Variants in NETO1 observed in about 807,000 individuals in gnomAD.
NETO1 encodes the protein neuropilin and tolloid-like protein 1.
A neutral mutation model predicts 61.3 loss-of-function variants in NETO1; 26 were observed. The observed-to-expected ratio is 0.42, with a 90% CI of 0.31 to 0.59. The LOEUF is 0.59. NETO1 is among the 20% of genes least tolerant of loss of function. The pLI is 0.12. For synonymous variants in NETO1, 225 were observed against 225.8 expected (o/e 1.00, Z 0.03); for missense variants, 531 against 662.8 (o/e 0.80, Z 2.18).
At chr18:72,753,954 C>T (rs2070705948) in intron 8 of NETO1, among the ~76,000 whole-genome samples, 3 of 152,038 alleles carry the variant, frequency 2.0e-5, no homozygotes, top group Admixed American at 2.0e-4. Context: ...CTTCTCCCAA[C>T]CACTTTAAAA....
At chr18:72,863,858 A>C (rs2074654477) in intron 3 of NETO1, among the ~76,000 whole-genome samples, 1 of 152,150 alleles carries the variant, frequency 6.6e-6, no homozygotes, top group African/African-American at 2.4e-5. Context: ...TTTAGGTACT[A>C]ACAGTTGGAA....
chr18:72,746,830 A>T lies in NETO1; in HGVS notation c.*1349T>A, dbSNP rs894860166. Reference sequence around the variant, plus strand: ...TGTAAGATTACACATTGAATATTTTAAAAAATAACCACTCACCAAATCAAA... The same window carrying T: ...TGTAAGATTACACATTGAATATTTTTAAAAATAACCACTCACCAAATCAAA... On this transcript the variant is annotated 3_prime_UTR_variant, in exon 11 of 11. Coordinates refer to ENST00000327305, the MANE Select transcript of NETO1 (RefSeq NM_138966.5). 6.6e-6 allele frequency among the ~76,000 whole-genome samples: 1 copy of T among 152,016 alleles called. No individual in the cohort carries two copies. The highest frequency in any genetic ancestry group is 1.5e-5 in the Non-Finnish European group (1 of 67,926).
intron 4 of NETO1, among the ~76,000 whole-genome samples, chr18:72,817,381 A>C (rs756343876): frequency 3.3e-5 from 5 of 152,246 alleles, no homozygotes; most frequent in Non-Finnish European, 7.3e-5. Flanking sequence ...TGGGAGTGAG[A>C]GCATCGGCCC....
chr18:72,801,134 C>A (rs1021118621), intron 4 of NETO1, among the ~76,000 whole-genome samples: 1 of 152,174 alleles, frequency 6.6e-6, no homozygotes, highest in African/African-American at 2.4e-5. Context: ...TTCCTACAGA[C>A]TCTGTCTTTC....
intron 4 of NETO1, among the ~76,000 whole-genome samples, chr18:72,800,460 A>T (rs2072467884): frequency 6.6e-6 from 1 of 152,094 alleles, no homozygotes; most frequent in Admixed American, 6.5e-5. Context: ...TAAGCAACAC[A>T]CTTCTGATGC....
intron 4 of NETO1, among the ~76,000 whole-genome samples, chr18:72,797,139 T>A (rs1414651573): frequency 6.6e-6 from 1 of 152,154 alleles, no homozygotes; most frequent in African/African-American, 2.4e-5. Flanking sequence ...ATATTCATAA[T>A]TAATACTCAT....
Position 72,745,695 on chromosome 18 carries a change from T to A in NETO1, c.*2484A>T, listed in dbSNP as rs10514053. On this transcript the variant is annotated 3_prime_UTR_variant, in exon 11 of 11. Coordinates refer to ENST00000327305, the MANE Select transcript of NETO1 (RefSeq NM_138966.5). ...ATCGTTTTTGATATATTGACAAATT[T>A]CAATACTGGCTGATAAATAAGCACC... The A allele has an allele frequency of 0.12, 18,702 of 152,186 alleles. 1,304 individuals are homozygous for A. Among genetic ancestry groups the A allele is most frequent in the Middle Eastern group, 0.19 (56 of 294 alleles). The allele number at this position is 152,186 out of a possible 1,614,324, so 9.4% of individuals were successfully genotyped here.
At chr18:72,826,920 C>T (rs2073392618) in intron 4 of NETO1, among the ~76,000 whole-genome samples, 1 of 152,082 alleles carries the variant, frequency 6.6e-6, no homozygotes, top group Non-Finnish European at 1.5e-5. Context: ...CAACCCATTT[C>T]TAGGGGGGCT....
At chr18:72,826,660 T>C (rs900742089) in intron 4 of NETO1, among the ~76,000 whole-genome samples, 2 of 152,242 alleles carry the variant, frequency 1.3e-5, no homozygotes, top group Non-Finnish European at 2.9e-5. Context: ...ACAGGTTCAC[T>C]GTGTGCTGGT....
At chr18:72,772,940 C>G (rs2071425403) in intron 7 of NETO1, among the ~76,000 whole-genome samples, 1 of 145,266 alleles carries the variant, frequency 6.9e-6, no homozygotes, top group Non-Finnish European at 1.5e-5. Flanking sequence ...TCTGTCTCTT[C>G]CTGTCCAAGT....
At chr18:72,750,872 T>TACACACACACACACACACACACAC (rs142668353) in intron 8 of NETO1, among the ~76,000 whole-genome samples, 5 of 118,736 alleles carry the variant, frequency 4.2e-5, no homozygotes, top group Non-Finnish European at 6.7e-5. Context: ...CAGCTTAAAA[T>TACACACACACACACACACACACAC]ACACACACAC....
intron 4 of NETO1, among the ~76,000 whole-genome samples, chr18:72,838,146 G>C (rs978918262): frequency 5.9e-5 from 9 of 152,180 alleles, no homozygotes; most frequent in African/African-American, 2.2e-4. Context: ...CTTCTTCCTG[G>C]TTCCCTCACC....
intron 4 of NETO1, among the ~76,000 whole-genome samples, chr18:72,836,824 CG>C (rs1364873203): frequency 2.0e-5 from 3 of 151,906 alleles, no homozygotes; most frequent in Non-Finnish European, 4.4e-5. Context: ...TCGTGTATCT[CG>C]GATCTAACTC....
At chr18:72,836,245 C>T (rs4892050) in intron 4 of NETO1, among the ~76,000 whole-genome samples, 42,622 of 151,920 alleles carry the variant, frequency 0.28, 7,119 homozygotes, top group South Asian at 0.4. Flanking sequence ...TCTGCCAGCC[C>T]GTGATCCACC....
chr18:72,840,029 T>G (rs1246369871), intron 4 of NETO1, among the ~76,000 whole-genome samples: 2 of 152,318 alleles, frequency 1.3e-5, no homozygotes, highest in South Asian at 2.1e-4. Context: ...GTAGCTTGTC[T>G]TATAGTCTAG....
chr18:72,744,989 C>T lies in NETO1; in HGVS notation c.*3190G>A, dbSNP rs570731417. ...AAGTGAATATTAAAGTAATGCCAAC[C>T]GTCTAAGTTACTTAACACTGAGGAT... On this transcript the variant is annotated 3_prime_UTR_variant, in exon 11 of 11. Coordinates refer to ENST00000327305, the MANE Select transcript of NETO1 (RefSeq NM_138966.5). 4.6e-5 allele frequency: 7 copies of T among 152,148 alleles called. No individual in the cohort carries two copies. The highest frequency in any genetic ancestry group is 9.6e-5 in the African/African-American group (4 of 41,500). 9.4% of individuals were successfully genotyped at this position (152,148 alleles called of 1,614,324 possible).
intron 8 of NETO1, among the ~76,000 whole-genome samples, chr18:72,753,513 T>C (rs961479817): frequency 1.3e-5 from 2 of 152,164 alleles, no homozygotes; most frequent in African/African-American, 4.8e-5. Context: ...AATTCAATGA[T>C]AAAAGAGCTT....
chr18:72,814,930 AG>A (rs1284566401), intron 4 of NETO1, among the ~76,000 whole-genome samples: 33 of 146,866 alleles, frequency 2.2e-4, no homozygotes, highest in Non-Finnish European at 4.2e-4. Flanking sequence ...AGCTTATCAA[AG>A]AAAAAAAAAT....
Position 72,858,193 on chromosome 18 carries a change from C to A in NETO1, c.469+633G>T, listed in dbSNP as rs138208633. On this transcript the variant is annotated intron_variant, in intron 4 of 10. Coordinates refer to ENST00000327305, the MANE Select transcript of NETO1 (RefSeq NM_138966.5). ...ACTCTTAATCAAGTGGGCCAGGCAA[C>A]AACACAGGATCTTTTTAATTCTAGC... Among the ~76,000 whole-genome samples the A allele has an allele frequency of 8.1e-3, 1,236 of 152,188 alleles. 21 individuals are homozygous for A. Among genetic ancestry groups the A allele is most frequent in the African/African-American group, 0.029 (1,194 of 41,518 alleles).
Sources: allele counts gnomAD v4.1 joint callset (sites outside exome capture counted in the v4.1 genomes callset), GRCh38; gene constraint gnomAD v4.1.1; transcripts MANE v1.5; gene names NCBI Gene and HGNC (gene_info 2026-07-23, HGNC 2026-07-21).